The following HIBADH variants were observed in gnomAD, a reference collection of about 807,000 sequenced individuals.
HIBADH encodes 3-hydroxyisobutyrate dehydrogenase, mitochondrial.
In HIBADH, 25 loss-of-function variants were observed where a neutral mutation model predicts 36.1. That is an observed-to-expected ratio of 0.69 (90% confidence interval 0.50 to 0.97). HIBADH has a LOEUF of 0.97. Ranked by LOEUF, HIBADH falls within the 50% of genes least tolerant of loss-of-function variation. The pLI, the probability that HIBADH is intolerant of heterozygous loss-of-function variation, is 0.00. For synonymous variants in HIBADH, 160 were observed against 149.5 expected (o/e 1.07, Z -0.51); for missense variants, 421 against 418.0 (o/e 1.01, Z -0.06).
intron 4 of HIBADH, among the ~76,000 whole-genome samples, chr7:27,569,955 C>T (rs1479436809): frequency 6.6e-6 from 1 of 152,124 alleles, no homozygotes; most frequent in Non-Finnish European, 1.5e-5. Flanking sequence ...ATTTCTTCCA[C>T]TTTCTCTGTC....
At chr7:27,653,671 A>G (rs1352695209) in intron 1 of HIBADH, among the ~76,000 whole-genome samples, 1 of 151,812 alleles carries the variant, frequency 6.6e-6, no homozygotes, top group Non-Finnish European at 1.5e-5. Flanking sequence ...TGGGAGGCGG[A>G]GCTTGCAGTG....
At chr7:27,569,098 T>A (rs939565750) in intron 4 of HIBADH, among the ~76,000 whole-genome samples, 18 of 152,242 alleles carry the variant, frequency 1.2e-4, no homozygotes, top group Admixed American at 3.9e-4. Flanking sequence ...ATCCACTGAC[T>A]CTTTTCTTTG....
At chr7:27,540,757 G>A (rs1043931467) in intron 5 of HIBADH, among the ~76,000 whole-genome samples, 2 of 152,120 alleles carry the variant, frequency 1.3e-5, no homozygotes, top group Admixed American at 1.3e-4. Flanking sequence ...GGGGCAAGTT[G>A]GCCCCTTGGA....
In HIBADH at chr7:27,649,491, A is replaced by C; in HGVS notation, c.234T>G (p.Phe78Leu). 6.2e-7 allele frequency: 1 copy of C among 1,612,074 alleles called. No homozygotes were observed. The highest frequency in any genetic ancestry group is 1.1e-5 in the South Asian group (1 of 90,494). Residue 78 changes from phenylalanine (F) to leucine (L), a missense_variant, in exon 2 of 8, where the codon TTT becomes TTG. Transcript: ENST00000265395. ...GTCTTACCTGTTCACCTGCATCTTGAAACTCTTTGCAGGCATCAGGGAACA... is the reference window on the plus strand; with the variant it reads ...GTCTTACCTGTTCACCTGCATCTTGCAACTCTTTGCAGGCATCAGGGAACA... ...YDVFPDACKE[F>L]QDAGEQVVSS... is the part of the protein sequence containing the mutation.
At chr7:27,648,005 T>TAGAG (rs1285297548) in intron 2 of HIBADH, among the ~76,000 whole-genome samples, 2 of 152,258 alleles carry the variant, frequency 1.3e-5, no homozygotes, top group African/African-American at 4.8e-5. Flanking sequence ...TTCCTCTGTT[T>TAGAG]AGAGATCAAG....
intron 4 of HIBADH, among the ~76,000 whole-genome samples, chr7:27,587,053 A>G (rs1784875918): frequency 6.6e-6 from 1 of 152,188 alleles, no homozygotes; most frequent in Admixed American, 6.5e-5. Flanking sequence ...TGCCTGTCAG[A>G]TCTCTTCAGC....
chr7:27,556,141 T>TA (rs5883087), intron 4 of HIBADH, among the ~76,000 whole-genome samples: 168 of 151,538 alleles, frequency 1.1e-3, no homozygotes, highest in African/African-American at 3.9e-3. Flanking sequence ...TCTCACTTGT[T>TA]AATAATATCT....
chr7:27,610,865 A>G (rs542187073), intron 4 of HIBADH, among the ~76,000 whole-genome samples: 5 of 152,220 alleles, frequency 3.3e-5, no homozygotes, highest in Non-Finnish European at 7.3e-5. Context: ...TTTACCATAA[A>G]TTAGATACAG....
intron 4 of HIBADH, among the ~76,000 whole-genome samples, chr7:27,576,219 G>A (rs1441446891): frequency 1.3e-5 from 2 of 152,190 alleles, no homozygotes; most frequent in African/African-American, 4.8e-5. Context: ...AAAAGTAATT[G>A]TTATTTAGAG....
chr7:27,609,312 A>T (rs1302080595), intron 4 of HIBADH, among the ~76,000 whole-genome samples: 1 of 152,180 alleles, frequency 6.6e-6, no homozygotes, highest in Non-Finnish European at 1.5e-5. Flanking sequence ...TGTCTATGAC[A>T]ACTGTTGCAA....
intron 7 of HIBADH, among the ~76,000 whole-genome samples, chr7:27,530,819 G>T (rs1783985870): frequency 2.0e-5 from 3 of 152,108 alleles, no homozygotes. Flanking sequence ...TGCACTGCCA[G>T]TGTATTATTA....
intron 4 of HIBADH, among the ~76,000 whole-genome samples, chr7:27,598,181 C>T (rs1279225690): frequency 6.6e-6 from 1 of 152,102 alleles, no homozygotes; most frequent in African/African-American, 2.4e-5. Flanking sequence ...ACACAATTAT[C>T]TAAAAATACT....
intron 2 of HIBADH, among the ~76,000 whole-genome samples, chr7:27,635,778 T>C (rs1367636702): frequency 1.0e-5 from 1 of 97,352 alleles, no homozygotes. Context: ...CTGCTCTGAT[T>C]GTCAAGGCTG....
At chr7:27,648,322 C>A (rs535452189) in intron 2 of HIBADH, among the ~76,000 whole-genome samples, 3 of 152,262 alleles carry the variant, frequency 2.0e-5, no homozygotes, top group Non-Finnish European at 4.4e-5. Flanking sequence ...GCAGAAGCAG[C>A]CACAACACTA....
intron 4 of HIBADH, among the ~76,000 whole-genome samples, chr7:27,550,021 C>A (rs1350628791): frequency 6.6e-6 from 1 of 152,142 alleles, no homozygotes; most frequent in Non-Finnish European, 1.5e-5. Flanking sequence ...GATTCTCCTG[C>A]CTCAGCCTCC....
In HIBADH at chr7:27,645,368, A is replaced by ATTTTT. The variant is rs762685685; in HGVS notation, c.252+4100_252+4104dup. ...CTAGTGGGTGTGTCTCATGGTTTTGATTTTTTTTTTTTTTTTTTTTTTTTT... is the reference window on the plus strand; with the variant it reads ...CTAGTGGGTGTGTCTCATGGTTTTGATTTTTTTTTTTTTTTTTTTTTTTTTTTTTT... On this transcript the variant is annotated intron_variant, in intron 2 of 7. Transcript: ENST00000265395. Among the ~76,000 whole-genome samples, 15 of 59,638 alleles carry ATTTTT rather than the reference A, an allele frequency of 2.5e-4. 1 individual carries two copies. Among genetic ancestry groups the ATTTTT allele is most frequent in the East Asian group, 9.7e-4 (2 of 2,072 alleles). The allele number at this position is 59,638 out of a possible 152,430, so 39.1% of individuals were successfully genotyped here. A position where few individuals can be genotyped will look rare whatever the true frequency, so the allele number is the denominator to read the frequency against.
chr7:27,649,505 C>G lies in HIBADH; in HGVS notation c.220G>C (p.Ala74Pro), dbSNP rs142705490. The change falls in exon 2 of 8, where the codon GCC (alanine) becomes CCC (proline). Residue 74 changes from alanine (A) to proline (P), a missense_variant. By Grantham distance (27) the Ala-to-Pro change is conservative. Transcript: ENST00000265395. ...PLIIYDVFPD[A>P]CKEFQDAGEQ... is the part of the protein sequence containing the mutation. ...CCTGCATCTTGAAACTCTTTGCAGG[C>G]ATCAGGGAACACATCATAAATAATA... The G allele has an allele frequency of 1.9e-6, 3 of 1,613,312 alleles. No homozygotes were observed. In the East Asian group the frequency reaches 6.7e-5, roughly 36 times the overall value.
At chr7:27,609,604 T>C (rs1785290296) in intron 4 of HIBADH, among the ~76,000 whole-genome samples, 1 of 152,156 alleles carries the variant, frequency 6.6e-6, no homozygotes, top group Non-Finnish European at 1.5e-5. Context: ...TCTAAGGAAA[T>C]GGATTTGTCC....
intron 1 of HIBADH, among the ~76,000 whole-genome samples, chr7:27,655,654 T>C (rs766353498): frequency 6.6e-5 from 10 of 152,220 alleles, no homozygotes; most frequent in Non-Finnish European, 1.5e-4. Flanking sequence ...TACTTTGTTT[T>C]ATATGTAAAA....
Sources: gnomAD v4.1 joint callset for allele counts (sites outside exome capture counted in the v4.1 genomes callset) on GRCh38, gnomAD v4.1.1 for gene constraint, MANE v1.5 for transcripts, NCBI Gene and HGNC (gene_info 2026-07-23, HGNC 2026-07-21) for gene names.